Variants in GSPT1 observed in about 807,000 individuals in gnomAD.
The protein encoded by GSPT1 is eukaryotic peptide chain release factor GTP-binding subunit ERF3A.
Under a neutral mutation model 72.5 loss-of-function variants are expected in GSPT1, and 20 were observed. The observed-to-expected ratio is 0.28, with a 90% CI of 0.19 to 0.40. The LOEUF (loss-of-function observed/expected upper bound fraction) is 0.40. Ranked by LOEUF, GSPT1 falls within the 10% of genes least tolerant of loss-of-function variation. The pLI is 1.00. For synonymous variants in GSPT1, 334 were observed against 293.5 expected, an observed-to-expected ratio of 1.14 and a Z score of -1.41; for missense variants, 580 against 811.9, an observed-to-expected ratio of 0.71 and a Z score of 3.47.
chr16:11,890,536 T>C (rs553092249), intron 6 of GSPT1, among the ~76,000 whole-genome samples: 1 of 152,304 alleles, frequency 6.6e-6, no homozygotes, highest in South Asian at 2.1e-4. Flanking sequence ...TTTAAAAAAA[T>C]GACTGTCAAT....
chr16:11,896,610 C>T lies in GSPT1; in HGVS notation c.612G>A (p.Pro204=), dbSNP rs187177338. 5.1e-5 allele frequency: 82 copies of T among 1,608,838 alleles called. No homozygotes were observed. Among genetic ancestry groups the T allele is most frequent in the Middle Eastern group, 1.7e-4 (1 of 6,058 alleles). Residue 204 remains proline (P), a synonymous_variant, in exon 4 of 15, where the codon CCG becomes CCA. Coordinates refer to ENST00000434724, the MANE Select transcript of GSPT1 (RefSeq NM_002094.4). Reference sequence around the variant, plus strand: ...CATGCTCTTTCTTAGGAGCACCTGGCGGTGCAACCACAGACTTAGGTTTTG... The same window carrying T: ...CATGCTCTTTCTTAGGAGCACCTGGTGGTGCAACCACAGACTTAGGTTTTG... The part of the protein sequence containing the change: ...EIPKPKSVVA[P]PGAPKKEHVN...
chr16:11,904,392 T>C (rs574472813), intron 1 of GSPT1, among the ~76,000 whole-genome samples: 39 of 151,488 alleles, frequency 2.6e-4, no homozygotes, highest in South Asian at 4.2e-4. Context: ...TTAGTAGAGA[T>C]GGGGTTTCAC....
intron 1 of GSPT1, among the ~76,000 whole-genome samples, chr16:11,898,594 G>A (rs1290196478): frequency 6.6e-6 from 1 of 152,054 alleles, no homozygotes; most frequent in Non-Finnish European, 1.5e-5. Flanking sequence ...TGGGATCACA[G>A]GTGCATGCCA....
In GSPT1 at chr16:11,886,862, T is replaced by C. The variant is rs1006220883; in HGVS notation, c.1027A>G (p.Met343Val). The C allele has an allele frequency of 6.2e-7, 1 of 1,613,492 alleles. No homozygotes were observed. Among genetic ancestry groups the C allele is most frequent in the Non-Finnish European group, 8.5e-7 (1 of 1,179,418 alleles). The change falls in exon 8 of 15, where the codon ATG becomes GTG. Residue 343 changes from methionine to valine, a missense_variant. By Grantham distance (21) the Met-to-Val change is conservative. Around this residue, in one of 6 missense-constraint regions of GSPT1, gnomAD observed 3 missense variants for 47.3 expected, o/e 0.06. Transcript: ENST00000434724. Reference sequence around the variant, plus strand: ...TTTACACCTGCTGTCTTTGCCAACATTGCATGTTCTCTTGTCTGTCCTCCT... The same window carrying C: ...TTTACACCTGCTGTCTTTGCCAACACTGCATGTTCTCTTGTCTGTCCTCCT... ...EKGGQTREHA[M>V]LAKTAGVKHL... is the part of the protein sequence containing the mutation.
At chr16:11,873,468 G>A (rs1334219636) in intron 14 of GSPT1, among the ~76,000 whole-genome samples, 2 of 151,896 alleles carry the variant, frequency 1.3e-5, no homozygotes, top group Non-Finnish European at 2.9e-5. Context: ...CTGCCACCAC[G>A]CCCAGCTAAT....
chr16:11,913,882 A>G (rs1279887897), intron 1 of GSPT1, among the ~76,000 whole-genome samples: 1 of 152,234 alleles, frequency 6.6e-6, no homozygotes, highest in African/African-American at 2.4e-5. Flanking sequence ...ACCCACACAA[A>G]TAAATGCCAC....
chr16:11,887,021 GTTT>G (rs34304551), intron 7 of GSPT1, 90 bp from the exon 8 acceptor site: 410 of 544,980 alleles, frequency 7.5e-4, no homozygotes, highest in South Asian at 1.2e-3. Context: ...TATATCACGA[GTTT>G]TTTTTTTTTT....
chr16:11,915,782 C>T lies in GSPT1; in HGVS notation c.-62G>A, dbSNP rs749686053. On this transcript the variant is annotated 5_prime_UTR_variant, in exon 1 of 15. Coordinates refer to ENST00000434724, the MANE Select transcript of GSPT1 (RefSeq NM_002094.4). ...GGAAATGGAGGCAGGGGCGCCCGGC[C>T]GGAGAGGAGTGGGCAACGCTGACTG... 1 of 1,577,380 alleles carries T rather than the reference C, an allele frequency of 6.3e-7. No homozygotes were observed.
intron 5 of GSPT1, among the ~76,000 whole-genome samples, chr16:11,894,203 A>G: frequency 6.9e-6 from 1 of 145,488 alleles, no homozygotes; most frequent in East Asian, 2.1e-4. Flanking sequence ...AAATTTAACT[A>G]GGCAAGATGA....
chr16:11,902,707 G>A (rs2054429839), intron 1 of GSPT1, among the ~76,000 whole-genome samples: 1 of 147,570 alleles, frequency 6.8e-6, no homozygotes, highest in Admixed American at 6.7e-5. Context: ...CCTGCTTTAA[G>A]TCCCGAGTAG....
intron 6 of GSPT1, among the ~76,000 whole-genome samples, chr16:11,890,427 A>C (rs1462906328): frequency 7.2e-5 from 11 of 152,124 alleles, no homozygotes; most frequent in Non-Finnish European, 1.3e-4. Context: ...AGTGGGCATT[A>C]ATTTAGCTTA....
In GSPT1 at chr16:11,870,176, C is replaced by G. The variant is rs1266702073; in HGVS notation, c.*2943G>C. ...AACACTTTACTATTTGTCACTTAAT[C>G]TCAAGACAATACACACTCAGTCCAA... On this transcript the variant is annotated 3_prime_UTR_variant, in exon 15 of 15. Coordinates refer to ENST00000434724, the MANE Select transcript of GSPT1 (RefSeq NM_002094.4). The G allele has an allele frequency of 1.3e-5, 2 of 151,896 alleles. No individual in the cohort carries two copies. The highest frequency in any genetic ancestry group is 2.9e-5 in the Non-Finnish European group (2 of 67,984). The allele number at this position is 151,896 out of a possible 1,614,324, so 9.4% of individuals were successfully genotyped here.
chr16:11,887,101 T>A, intron 7 of GSPT1, 170 bp from the exon 8 acceptor site: 1 of 551,022 alleles, frequency 1.8e-6, no homozygotes, highest in Admixed American at 3.7e-5. Flanking sequence ...AATCAAACAA[T>A]GTCTAGATGC....
chr16:11,902,731 C>CA (rs1555505511), intron 1 of GSPT1, among the ~76,000 whole-genome samples: 23 of 151,482 alleles, frequency 1.5e-4, no homozygotes, highest in African/African-American at 5.3e-4. Flanking sequence ...GGACTATAGG[C>CA]GTGTGCCACC....
rs1167409120 is a variant in GSPT1, at chr16:11,870,861, G to C, written c.*2258C>G. ...TTTTAGAGGTAGGCCCTTCACAGTT[G>C]ATATCCAAGTTACTTAAGAGTCTTG... On this transcript the variant is annotated 3_prime_UTR_variant, in exon 15 of 15. Coordinates refer to ENST00000434724, the MANE Select transcript of GSPT1 (RefSeq NM_002094.4). 1 of 152,158 alleles carries C rather than the reference G, an allele frequency of 6.6e-6. No homozygotes were observed. The highest frequency in any genetic ancestry group is 2.4e-5 in the African/African-American group (1 of 41,442). The allele number at this position is 152,158 out of a possible 1,614,324, so 9.4% of individuals were successfully genotyped here.
At chr16:11,904,305 C>T (rs896634286) in intron 1 of GSPT1, among the ~76,000 whole-genome samples, 14 of 152,028 alleles carry the variant, frequency 9.2e-5, no homozygotes, top group Admixed American at 3.9e-4. Context: ...TGGGTTCAAG[C>T]GATTCCCCTG....
intron 1 of GSPT1, among the ~76,000 whole-genome samples, chr16:11,912,439 T>C (rs766192962): frequency 2.6e-5 from 4 of 152,172 alleles, no homozygotes; most frequent in African/African-American, 4.8e-5. Context: ...TGTTTCTCTT[T>C]AAAATTCAAG....
rs1596450846 is a variant in GSPT1 at position 11,870,466 on chromosome 16, C to G, written c.*2653G>C. 6.6e-6 allele frequency: 1 copy of G among 152,188 alleles called. No homozygotes were observed. The highest frequency in any genetic ancestry group is 1.5e-5 in the Non-Finnish European group (1 of 68,038). The allele number at this position is 152,188 out of a possible 1,614,324, so 9.4% of individuals were successfully genotyped here. A position where few individuals can be genotyped will look rare whatever the true frequency, so the allele number is the denominator to read the frequency against. On this transcript the variant is annotated 3_prime_UTR_variant, in exon 15 of 15. Coordinates refer to ENST00000434724, the MANE Select transcript of GSPT1 (RefSeq NM_002094.4). ...GTAGAGCAACGTTAGAGAACAAATG[C>G]TTAGGTAATACCCTAAATATGCAGC...
intron 1 of GSPT1, among the ~76,000 whole-genome samples, chr16:11,911,854 A>ATTTTTTTTTTTTTTTTTTT (rs1158026034): frequency 1.1e-4 from 5 of 45,406 alleles, no homozygotes; most frequent in South Asian, 9.4e-4. Flanking sequence ...ACCCAGCTGT[A>ATTTTTTTTTTTTTTTTTTT]TTTTTTTTTT....
Sources: gnomAD v4.1 joint callset for allele counts (sites outside exome capture counted in the v4.1 genomes callset) on GRCh38, gnomAD v4.1.1 for gene constraint, gnomAD v4.1.1 regional missense constraint, MANE v1.5 for transcripts, NCBI Gene and HGNC (gene_info 2026-07-23, HGNC 2026-07-21) for gene names.